Variants in FRMPD4 observed in about 807,000 individuals in gnomAD.
The protein encoded by FRMPD4 is FERM and PDZ domain containing 4, also known as FERM and PDZ domain-containing protein 4.
In FRMPD4, 22 loss-of-function variants were observed where a neutral mutation model predicts 94.1. The ratio of observed to expected loss-of-function variants is 0.23; its 90% confidence interval spans 0.17 to 0.33. The LOEUF is 0.33. Among genes scored for constraint, FRMPD4 ranks in the 10% least tolerant of loss-of-function variants. FRMPD4 has a pLI of 1.00. For synonymous variants in FRMPD4, 631 were observed against 548.6 expected (o/e 1.15, Z -2.10); for missense variants, 1,111 against 1,339.9 (o/e 0.83, Z 2.67).
intron 3 of FRMPD4, among the ~76,000 whole-genome samples, chrX:12,130,046 G>T (rs2055535277): frequency 9.2e-6 from 1 of 108,355 alleles, no homozygotes; most frequent in Admixed American, 1.0e-4. Context: ...GCATTCAGCT[G>T]CAAGTAACAA....
At chrX:11,914,334 T>C (rs1238709452) in intron 3 of FRMPD4, among the ~76,000 whole-genome samples, 5 of 104,327 alleles carry the variant, frequency 4.8e-5, no homozygotes, top group African/African-American at 1.8e-4. Context: ...TCTGAGTTCC[T>C]CTAACAGAAT....
Position 12,561,664 on chromosome X carries a change from C to T in FRMPD4, c.159-48057C>T, listed in dbSNP as rs181366817. Among the ~76,000 whole-genome samples, 4 of 112,156 alleles carry T rather than the reference C, an allele frequency of 3.6e-5. No homozygotes were observed. In the East Asian group the frequency reaches 1.1e-3, roughly 31 times the overall value. On this transcript the variant is annotated intron_variant, in intron 2 of 16. Coordinates refer to ENST00000675598, the MANE Select transcript of FRMPD4 (RefSeq NM_001368397.1). ...AATGCAGAAGATTGGCAAAGTGTTG[C>T]GTGTGTTTGAATAAGGGATCGTTAC...
At chrX:12,691,293 G>GT (rs1555895199) in intron 8 of FRMPD4, among the ~76,000 whole-genome samples, 2 of 109,038 alleles carry the variant, frequency 1.8e-5, no homozygotes, top group Admixed American at 9.9e-5. Context: ...GTTTTGTTTT[G>GT]TTTTTTTGAG....
intron 4 of FRMPD4, among the ~76,000 whole-genome samples, chrX:12,656,466 C>T (rs1443938758): frequency 1.8e-5 from 2 of 112,093 alleles, no homozygotes; most frequent in Non-Finnish European, 3.8e-5. Context: ...AAATGGCCAT[C>T]AATGGTAGAA....
intron 4 of FRMPD4, among the ~76,000 whole-genome samples, chrX:12,663,718 G>C (rs760232222): frequency 1.9e-3 from 209 of 112,433 alleles, no homozygotes; most frequent in Non-Finnish European, 3.2e-3. Context: ...ATTTAAAGTA[G>C]TTTGTTCTAA....
At chrX:12,533,032 G>C (rs2058300656) in intron 2 of FRMPD4, among the ~76,000 whole-genome samples, 1 of 112,014 alleles carries the variant, frequency 8.9e-6, no homozygotes, top group African/African-American at 3.2e-5. Context: ...GGCCTTGCTA[G>C]ACTATCAAAG....
intron 2 of FRMPD4, among the ~76,000 whole-genome samples, chrX:12,504,686 A>G (rs1328949707): frequency 8.9e-6 from 1 of 112,262 alleles, no homozygotes; most frequent in African/African-American, 3.2e-5. Context: ...GAGTTGATGG[A>G]AGGGCTTTTA....
chrX:12,002,143 T>C (rs953145308), intron 3 of FRMPD4, among the ~76,000 whole-genome samples: 8 of 111,850 alleles, frequency 7.2e-5, no homozygotes, highest in Admixed American at 9.5e-5. Context: ...TTCCTTCTCA[T>C]GCATTCTGTA....
At chrX:12,441,199 G>A (rs754371621) in intron 1 of FRMPD4, among the ~76,000 whole-genome samples, 5 of 111,882 alleles carry the variant, frequency 4.5e-5, no homozygotes, top group Non-Finnish European at 9.4e-5. Context: ...AAACTACAGA[G>A]CATAATTTGG....
chrX:12,041,785 G>A (rs6640872), intron 3 of FRMPD4, among the ~76,000 whole-genome samples: 7,295 of 110,835 alleles, frequency 0.066, 258 homozygotes, highest in East Asian at 0.24. Flanking sequence ...ATGGAAATAC[G>A]TTGGTATTCT....
intron 2 of FRMPD4, among the ~76,000 whole-genome samples, chrX:12,518,993 G>A (rs1025638094): frequency 3.6e-5 from 4 of 112,270 alleles, no homozygotes; most frequent in African/African-American, 1.3e-4. Flanking sequence ...TAACCAAGGA[G>A]ATGAAAGACT....
chrX:11,995,706 G>T (rs1423817325), intron 3 of FRMPD4, among the ~76,000 whole-genome samples: 1 of 111,356 alleles, frequency 9.0e-6, no homozygotes, highest in Non-Finnish European at 1.9e-5. Flanking sequence ...ATCCTTCTTG[G>T]TCATTCAAAG....
chrX:12,471,741 C>T (rs1368086818), intron 1 of FRMPD4, among the ~76,000 whole-genome samples: 1 of 111,900 alleles, frequency 8.9e-6, no homozygotes, highest in Non-Finnish European at 1.9e-5. Flanking sequence ...TGTAACTTCC[C>T]ATTCTGTCTA....
intron 1 of FRMPD4, among the ~76,000 whole-genome samples, chrX:12,463,693 TTTTTG>T (rs1165647247): frequency 1.0e-4 from 8 of 80,326 alleles, no homozygotes; most frequent in African/African-American, 2.1e-4. Flanking sequence ...TTTTTTTTTG[TTTTTG>T]TTTTTTTTTT....
intron 3 of FRMPD4, 76 bp downstream of exon 3, chrX:12,609,957 C>A: frequency 1.1e-6 from 1 of 938,356 alleles, no homozygotes; most frequent in Non-Finnish European, 1.5e-6. Context: ...TGTTCAGTTT[C>A]ATAAGTGTCC....
At chrX:12,427,079 T>C (rs1167149732) in intron 1 of FRMPD4, among the ~76,000 whole-genome samples, 1 of 111,931 alleles carries the variant, frequency 8.9e-6, no homozygotes. Context: ...ATTGTAAGCA[T>C]AATGTAAAAC....
At chrX:12,282,624 G>C (rs957464647) in intron 1 of FRMPD4, among the ~76,000 whole-genome samples, 1 of 111,473 alleles carries the variant, frequency 9.0e-6, no homozygotes, top group African/African-American at 3.3e-5. Flanking sequence ...ACTACTCTGC[G>C]GCTAGGCCTG....
chrX:11,964,346 G>T, intron 3 of FRMPD4, among the ~76,000 whole-genome samples: 1 of 110,745 alleles, frequency 9.0e-6, no homozygotes. Flanking sequence ...ATTTTTAGTA[G>T]AGACAGGGTT....
intron 3 of FRMPD4, among the ~76,000 whole-genome samples, chrX:12,057,421 C>T (rs374685593): frequency 6.3e-4 from 70 of 110,466 alleles, no homozygotes; most frequent in African/African-American, 2.2e-3. Flanking sequence ...AAAAATTGCC[C>T]CCCTTTCACC....
Sources: allele counts gnomAD v4.1 joint callset (sites outside exome capture counted in the v4.1 genomes callset), GRCh38; gene constraint gnomAD v4.1.1; transcripts MANE v1.5; gene names NCBI Gene and HGNC (gene_info 2026-07-23, HGNC 2026-07-21).